The following PABPC4L variants were observed in gnomAD, a reference collection of about 807,000 sequenced individuals.
PABPC4L encodes polyadenylate-binding protein 4-like.
For missense variants in PABPC4L, 452 were observed against 451.4 expected (o/e 1.00, Z -0.01); for synonymous variants, 169 against 164.1 (o/e 1.03, Z -0.23).
the PABPC4L span, among the ~76,000 whole-genome samples, chr4:134,174,823 G>C: frequency 1.3e-5 from 2 of 151,732 alleles, no homozygotes; most frequent in African/African-American, 4.8e-5. Context: ...ATATCACCTT[G>C]TCTAATTTTA....
At chr4:134,071,897 G>A in the PABPC4L span, among the ~76,000 whole-genome samples, 1 of 152,128 alleles carries the variant, frequency 6.6e-6, no homozygotes, top group Non-Finnish European at 1.5e-5. Context: ...CCAGACAGGA[G>A]TATAGAAAAA....
the PABPC4L span, among the ~76,000 whole-genome samples, chr4:133,973,804 G>A: frequency 1.3e-5 from 2 of 152,242 alleles, no homozygotes; most frequent in African/African-American, 2.4e-5. Context: ...TAATATTAAA[G>A]GTTCTTCAGT....
At chr4:134,109,195 T>C in the PABPC4L span, among the ~76,000 whole-genome samples, 1 of 152,098 alleles carries the variant, frequency 6.6e-6, no homozygotes, top group Admixed American at 6.6e-5. Flanking sequence ...AAACACAAAT[T>C]ACAATATTCA....
chr4:134,111,833 C>T, the PABPC4L span, among the ~76,000 whole-genome samples: 1 of 151,934 alleles, frequency 6.6e-6, no homozygotes, highest in Non-Finnish European at 1.5e-5. Context: ...CAATAAACCT[C>T]CCTCTTTTGT....
At chr4:134,029,433 A>G in the PABPC4L span, among the ~76,000 whole-genome samples, 1 of 152,064 alleles carries the variant, frequency 6.6e-6, no homozygotes, top group African/African-American at 2.4e-5. Flanking sequence ...TAAGTAGGAC[A>G]TATTTCCTGC....
At chr4:134,108,155 A>G in the PABPC4L span, among the ~76,000 whole-genome samples, 1 of 151,478 alleles carries the variant, frequency 6.6e-6, no homozygotes, top group Non-Finnish European at 1.5e-5. Flanking sequence ...AAATACAGAA[A>G]AAGGTACATA....
the PABPC4L span, among the ~76,000 whole-genome samples, chr4:133,989,357 C>T: frequency 6.6e-6 from 1 of 152,116 alleles, no homozygotes; most frequent in African/African-American, 2.4e-5. Context: ...TTTCTTCCAC[C>T]ACATACTCTA....
the PABPC4L span, among the ~76,000 whole-genome samples, chr4:134,084,105 GT>G: frequency 6.6e-6 from 1 of 152,110 alleles, no homozygotes; most frequent in Admixed American, 6.5e-5. Flanking sequence ...CTACAGTGCA[GT>G]AACATTATCA....
Position 134,200,487 on chromosome 4 carries a change from C to A in PABPC4L, c.533G>T (p.Arg178Leu), listed in dbSNP as rs1578885445. 1 of 1,551,612 alleles carries A rather than the reference C, an allele frequency of 6.4e-7. No individual in the cohort carries two copies. Among genetic ancestry groups the A allele is most frequent in the East Asian group, 2.4e-5 (1 of 40,890 alleles). The change falls in exon 2 of 2, where the codon CGT becomes CTT. Residue 178 changes from arginine (R) to leucine (L), a missense_variant. Transcript: ENST00000421491. ...GGCTTTGCTTCTGAGTTCAGCTTCA[C>A]GATCTTTTCGGTTTTTGAATCTGCC... ...FVGRFKNRKD[R>L]EAELRSKASE...
chr4:134,134,953 A>G, the PABPC4L span, among the ~76,000 whole-genome samples: 2 of 151,938 alleles, frequency 1.3e-5, no homozygotes, highest in African/African-American at 2.4e-5. Context: ...AGAAATCAAT[A>G]GAAGAAAGAT....
At chr4:134,047,610 G>GA in the PABPC4L span, among the ~76,000 whole-genome samples, 7 of 152,070 alleles carry the variant, frequency 4.6e-5, no homozygotes, top group Admixed American at 2.6e-4. Flanking sequence ...AGATAAATGG[G>GA]AAAAAAATGT....
the PABPC4L span, among the ~76,000 whole-genome samples, chr4:134,148,515 A>C: frequency 6.6e-6 from 1 of 152,106 alleles, no homozygotes; most frequent in African/African-American, 2.4e-5. Context: ...TTGTGTCAGC[A>C]GTTCGGCTAG....
chr4:133,982,216 T>C, the PABPC4L span, among the ~76,000 whole-genome samples: 4 of 152,050 alleles, frequency 2.6e-5, no homozygotes, highest in African/African-American at 9.6e-5. Context: ...ATGGAGAAGG[T>C]AAGCAGAGAT....
At chr4:134,044,578 A>G in the PABPC4L span, among the ~76,000 whole-genome samples, 1 of 152,118 alleles carries the variant, frequency 6.6e-6, no homozygotes, top group Non-Finnish European at 1.5e-5. Context: ...TACTTATATT[A>G]TAATGAGCTT....
At chr4:134,123,248 T>G in the PABPC4L span, among the ~76,000 whole-genome samples, 1 of 152,016 alleles carries the variant, frequency 6.6e-6, no homozygotes, top group Non-Finnish European at 1.5e-5. Context: ...TTCTCCATAA[T>G]GTACCTATTA....
chr4:134,199,767 A>G lies in PABPC4L; in HGVS notation c.*140T>C. ...AAAAGAAAAAAAATGGCTTTGTATA[A>G]AAAACGTTTTATCATAAAGTTTACT... On this transcript the variant is annotated 3_prime_UTR_variant, in exon 2 of 2. Transcript: ENST00000421491. 8.6e-7 allele frequency: 1 copy of G among 1,161,418 alleles called. No homozygotes were observed. The highest frequency in any genetic ancestry group is 3.3e-5 in the Admixed American group (1 of 30,420). The allele number at this position is 1,161,418 out of a possible 1,614,324, so 71.9% of individuals were successfully genotyped here.
At chr4:134,096,515 T>C in the PABPC4L span, among the ~76,000 whole-genome samples, 16 of 152,106 alleles carry the variant, frequency 1.1e-4, no homozygotes, top group Admixed American at 9.2e-4. Context: ...GTATACCTCA[T>C]GTAATTTTCA....
At chr4:134,022,881 C>T in the PABPC4L span, among the ~76,000 whole-genome samples, 4 of 151,734 alleles carry the variant, frequency 2.6e-5, no homozygotes, top group South Asian at 8.3e-4. Flanking sequence ...ATATTTTAGT[C>T]TTTAAAATTT....
the PABPC4L span, among the ~76,000 whole-genome samples, chr4:134,088,525 A>G: frequency 1.3e-5 from 2 of 152,060 alleles, no homozygotes; most frequent in African/African-American, 4.8e-5. Context: ...TTAATTACCA[A>G]TGTGAAAGTA....
Sources: allele counts gnomAD v4.1 joint callset (sites outside exome capture counted in the v4.1 genomes callset), GRCh38; gene constraint gnomAD v4.1.1; transcripts MANE v1.5; gene names NCBI Gene and HGNC (gene_info 2026-07-23, HGNC 2026-07-21).